FAM168A: variants seen among roughly 807,000 people sequenced by gnomAD.
FAM168A encodes family with sequence similarity 168 member A, also known as protein FAM168A.
In FAM168A, 3 loss-of-function variants were observed where a neutral mutation model predicts 28.5. That is an observed-to-expected ratio of 0.11 (90% CI 0.05 to 0.27). The LOEUF is 0.27. Ranked by LOEUF, FAM168A falls within the 10% of genes least tolerant of loss-of-function variation. FAM168A has a pLI of 1.00. For synonymous variants in FAM168A, 122 were observed against 124.2 expected (o/e 0.98, Z 0.12); for missense variants, 222 against 311.5 (o/e 0.71, Z 2.16).
intron 4 of FAM168A, among the ~76,000 whole-genome samples, chr11:73,412,013 A>ATC (rs754092287): frequency 4.5e-4 from 68 of 150,002 alleles, no homozygotes; most frequent in Non-Finnish European, 8.5e-4. Flanking sequence ...TTTTCTCCTT[A>ATC]TCTCTCTCTC....
At chr11:73,520,462 A>C (rs1446523263) in intron 1 of FAM168A, among the ~76,000 whole-genome samples, 1 of 152,220 alleles carries the variant, frequency 6.6e-6, no homozygotes, top group Non-Finnish European at 1.5e-5. Context: ...TCACATAGAA[A>C]GCACATTATG....
chr11:73,506,396 A>G (rs1855118083), intron 1 of FAM168A, among the ~76,000 whole-genome samples: 5 of 150,154 alleles, frequency 3.3e-5, no homozygotes, highest in Non-Finnish European at 4.5e-5. Context: ...AATAAGGAGA[A>G]AAAAAAAAAC....
intron 1 of FAM168A, among the ~76,000 whole-genome samples, chr11:73,582,740 G>C (rs1182479275): frequency 6.6e-6 from 1 of 152,122 alleles, no homozygotes; most frequent in African/African-American, 2.4e-5. Flanking sequence ...GCAGAAAAAA[G>C]AACTCTAGAC....
At chr11:73,568,753 G>A (rs1365693377) in intron 1 of FAM168A, among the ~76,000 whole-genome samples, 1 of 152,022 alleles carries the variant, frequency 6.6e-6, no homozygotes, top group Non-Finnish European at 1.5e-5. Flanking sequence ...AAATTAGCTG[G>A]GTATGGTGGT....
At chr11:73,410,876 G>A (rs1866597175) in intron 5 of FAM168A, among the ~76,000 whole-genome samples, 1 of 152,204 alleles carries the variant, frequency 6.6e-6, no homozygotes, top group Admixed American at 6.5e-5. Context: ...AAGGAGCCCA[G>A]AAAGGCCCAT....
At chr11:73,580,149 C>A in intron 1 of FAM168A, 14 of 345,356 alleles carry the variant, frequency 4.1e-5, no homozygotes, top group East Asian at 7.8e-5. Flanking sequence ...AAAACAAAAA[C>A]CAGAAGAAGA....
intron 1 of FAM168A, among the ~76,000 whole-genome samples, chr11:73,478,419 T>C (rs977092207): frequency 7.2e-5 from 11 of 152,156 alleles, no homozygotes; most frequent in Non-Finnish European, 1.5e-4. Flanking sequence ...AAGACAAATC[T>C]GTACAGGCAA....
At chr11:73,472,726 A>C (rs900364459) in intron 1 of FAM168A, among the ~76,000 whole-genome samples, 3 of 152,176 alleles carry the variant, frequency 2.0e-5, no homozygotes, top group African/African-American at 7.2e-5. Flanking sequence ...ATATATTTTG[A>C]AGATCAAGCT....
At chr11:73,483,595 T>C (rs1429305822) in intron 1 of FAM168A, among the ~76,000 whole-genome samples, 2 of 152,096 alleles carry the variant, frequency 1.3e-5, no homozygotes, top group East Asian at 1.9e-4. Flanking sequence ...GTTAAGGAAA[T>C]GAAGATCTGA....
chr11:73,492,023 G>C (rs1390522551), intron 1 of FAM168A, among the ~76,000 whole-genome samples: 1 of 152,144 alleles, frequency 6.6e-6, no homozygotes, highest in Non-Finnish European at 1.5e-5. Flanking sequence ...GAAATAAAAA[G>C]ATAGCTTTAT....
rs375367550 is a variant in FAM168A, at chr11:73,411,446, G to A, written c.368C>T (p.Thr123Met). ...GGCACTTCTGATTGGATACATGGCC[G>A]TCTGATAGGGGTTGGGTGATGGGGA... ...PYSPSPNPYQTAMYPIRSAYP... is the reference protein window; with the variant it reads ...PYSPSPNPYQMAMYPIRSAYP... Residue 123 changes from threonine to methionine, a missense_variant, in exon 5 of 8, where the codon ACG becomes ATG. Coordinates refer to ENST00000356467, the MANE Select transcript of FAM168A (RefSeq NM_015159.3). The A allele has an allele frequency of 3.8e-5, 62 of 1,613,128 alleles. 1 individual carries two copies. Among genetic ancestry groups the A allele is most frequent in the East Asian group, 1.1e-4 (5 of 44,886 alleles).
At chr11:73,594,278 T>G (rs922920959) in intron 1 of FAM168A, among the ~76,000 whole-genome samples, 7 of 151,992 alleles carry the variant, frequency 4.6e-5, no homozygotes, top group East Asian at 1.9e-4. Context: ...TTTTTTTTTT[T>G]TTTGTGGAGA....
At chr11:73,449,793 T>C (rs1867393675) in intron 2 of FAM168A, among the ~76,000 whole-genome samples, 1 of 152,242 alleles carries the variant, frequency 6.6e-6, no homozygotes, top group South Asian at 2.1e-4. Context: ...ACAGCACTTG[T>C]GGTAACAGTG....
intron 2 of FAM168A, among the ~76,000 whole-genome samples, chr11:73,431,052 A>C (rs1412435152): frequency 1.3e-5 from 2 of 152,138 alleles, no homozygotes; most frequent in Non-Finnish European, 2.9e-5. Context: ...AAAGAAAAAA[A>C]AAAGTAAGTG....
chr11:73,506,106 A>G (rs76481342), intron 1 of FAM168A, among the ~76,000 whole-genome samples: 2,429 of 152,250 alleles, frequency 0.016, 63 homozygotes, highest in African/African-American at 0.056. Flanking sequence ...CTCCATGTTA[A>G]CTGCAGGCAG....
intron 1 of FAM168A, among the ~76,000 whole-genome samples, chr11:73,469,371 T>A (rs1333920258): frequency 6.6e-6 from 1 of 152,200 alleles, no homozygotes; most frequent in African/African-American, 2.4e-5. Flanking sequence ...AATCAAACAA[T>A]TCCTTCCTAA....
At chr11:73,514,895 T>C (rs1943280069) in intron 1 of FAM168A, among the ~76,000 whole-genome samples, 1 of 151,992 alleles carries the variant, frequency 6.6e-6, no homozygotes, top group South Asian at 2.1e-4. Context: ...TGTACACTAC[T>C]ACATTTGATC....
intron 1 of FAM168A, among the ~76,000 whole-genome samples, chr11:73,594,735 G>C (rs1555042018): frequency 6.6e-6 from 1 of 152,010 alleles, no homozygotes; most frequent in Non-Finnish European, 1.5e-5. Flanking sequence ...TGCCATGTTG[G>C]CCAGGCTGAT....
intron 1 of FAM168A, among the ~76,000 whole-genome samples, chr11:73,472,235 C>A (rs1287221320): frequency 6.6e-6 from 1 of 152,004 alleles, no homozygotes; most frequent in Admixed American, 6.6e-5. Flanking sequence ...TAAGATGATT[C>A]GAAAAAGTGT....
Sources: gnomAD v4.1 joint callset for allele counts (sites outside exome capture counted in the v4.1 genomes callset) on GRCh38, gnomAD v4.1.1 for gene constraint, MANE v1.5 for transcripts, NCBI Gene and HGNC (gene_info 2026-07-23, HGNC 2026-07-21) for gene names.